The following SMYD3 variants were observed in gnomAD, a reference collection of about 807,000 sequenced individuals.
The protein encoded by SMYD3 is SET and MYND domain containing 3, also known as histone-lysine N-methyltransferase SMYD3.
SMYD3 carries 36 observed loss-of-function variants against 57.7 expected under a neutral mutation model. The observed-to-expected ratio is 0.62, with a 90% confidence interval of 0.48 to 0.82. SMYD3 has a LOEUF of 0.82. Ranked by LOEUF, SMYD3 falls within the 40% of genes least tolerant of loss-of-function variation. SMYD3 has a pLI of 0.00. For missense variants in SMYD3, 515 were observed against 538.8 expected (o/e 0.96, Z 0.44); for synonymous variants, 211 against 195.0 (o/e 1.08, Z -0.68).
At chr1:245,908,485 C>A (rs2054736034) in intron 8 of SMYD3, among the ~76,000 whole-genome samples, 1 of 152,130 alleles carries the variant, frequency 6.6e-6, no homozygotes, top group African/African-American at 2.4e-5. Context: ...ACAGAGGAAT[C>A]CAGCAGATGT....
chr1:245,757,186 C>T (rs2045642463), intron 11 of SMYD3, among the ~76,000 whole-genome samples: 3 of 152,034 alleles, frequency 2.0e-5, no homozygotes. Context: ...CTACTTCTGT[C>T]TCTAGGTATT....
intron 5 of SMYD3, among the ~76,000 whole-genome samples, chr1:246,233,304 T>C (rs1183738315): frequency 1.7e-5 from 2 of 116,440 alleles, no homozygotes; most frequent in African/African-American, 3.3e-5. Flanking sequence ...GCTCCTCAAT[T>C]CACACTGTGA....
At chr1:246,071,069 A>G (rs2060434004) in intron 5 of SMYD3, among the ~76,000 whole-genome samples, 1 of 152,236 alleles carries the variant, frequency 6.6e-6, no homozygotes, top group Admixed American at 6.5e-5. Flanking sequence ...AATAGGATAA[A>G]TTAATTCTAT....
At chr1:246,110,913 GTTTAGGA>G (rs1259206848) in intron 5 of SMYD3, among the ~76,000 whole-genome samples, 14 of 152,126 alleles carry the variant, frequency 9.2e-5, no homozygotes, top group Non-Finnish European at 1.6e-4. Flanking sequence ...CATGTTCATG[GTTTAGGA>G]TTTTAGATAT....
intron 10 of SMYD3, among the ~76,000 whole-genome samples, chr1:245,827,716 T>G (rs2049582529): frequency 6.6e-6 from 1 of 152,208 alleles, no homozygotes; most frequent in South Asian, 2.1e-4. Flanking sequence ...ATGAATGCTT[T>G]TTGACTGGCT....
intron 5 of SMYD3, among the ~76,000 whole-genome samples, chr1:246,139,307 A>G (rs992190749): frequency 2.0e-5 from 3 of 152,232 alleles, no homozygotes; most frequent in African/African-American, 7.2e-5. Context: ...GAGTATTTCA[A>G]TACATAGATT....
At chr1:246,333,981 C>T (rs977739672) in intron 3 of SMYD3, among the ~76,000 whole-genome samples, 3 of 151,956 alleles carry the variant, frequency 2.0e-5, no homozygotes, top group Non-Finnish European at 2.9e-5. Context: ...AAATGCTCTA[C>T]GTTACTAATC....
intron 5 of SMYD3, among the ~76,000 whole-genome samples, chr1:246,132,955 A>G (rs528807021): frequency 6.6e-6 from 1 of 152,232 alleles, no homozygotes; most frequent in Non-Finnish European, 1.5e-5. Flanking sequence ...ATTCACTAGG[A>G]TGGCTACTAT....
intron 1 of SMYD3, 142 bp downstream of exon 1, chr1:246,506,912 G>T: frequency 2.7e-6 from 2 of 744,850 alleles, no homozygotes; most frequent in Non-Finnish European, 3.8e-6. Flanking sequence ...CCGGGCACAC[G>T]CGCGTCAGGG....
At chr1:246,462,321 T>C (rs2067813924) in intron 1 of SMYD3, among the ~76,000 whole-genome samples, 1 of 151,482 alleles carries the variant, frequency 6.6e-6, no homozygotes, top group Non-Finnish European at 1.5e-5. Flanking sequence ...GTATAGTGAA[T>C]TCTCCCGTGG....
intron 5 of SMYD3, among the ~76,000 whole-genome samples, chr1:246,314,220 T>C (rs1285748176): frequency 2.0e-5 from 3 of 152,232 alleles, no homozygotes; most frequent in East Asian, 1.9e-4. Context: ...AGCAATACTT[T>C]AGTATTAGAG....
chr1:245,769,873 G>A (rs560345291), intron 10 of SMYD3, among the ~76,000 whole-genome samples: 4 of 152,248 alleles, frequency 2.6e-5, no homozygotes, highest in South Asian at 2.1e-4. Context: ...CCATGGTATC[G>A]CTGGGTTATA....
At position 245,976,977 on chromosome 1, in the gene SMYD3, G is replaced by A. The variant is rs112466772; in HGVS notation, c.532-47040C>T. Among the ~76,000 whole-genome samples, 91 of 9,916 alleles carry A rather than the reference G, an allele frequency of 9.2e-3. 1 individual carries two copies. The highest frequency in any genetic ancestry group is 0.013 in the African/African-American group (45 of 3,362). The allele number at this position is 9,916 out of a possible 152,430, so 6.5% of individuals were successfully genotyped here. On this transcript the variant is annotated intron_variant, in intron 5 of 11. Coordinates refer to ENST00000490107, the MANE Select transcript of SMYD3 (RefSeq NM_001167740.2). ...TAGCCTAGGGAAAGCCATCGTCTCCGGCCCAGGGAAAGCCATCGTCTCTAG... is the reference window on the plus strand; with the variant it reads ...TAGCCTAGGGAAAGCCATCGTCTCCAGCCCAGGGAAAGCCATCGTCTCTAG...
At chr1:245,811,986 T>C (rs2148291777) in intron 10 of SMYD3, among the ~76,000 whole-genome samples, 1 of 152,338 alleles carries the variant, frequency 6.6e-6, no homozygotes, top group African/African-American at 2.4e-5. Flanking sequence ...GCACAGAAGA[T>C]GGTCCTCTTT....
At chr1:246,385,862 C>T (rs561970963) in intron 1 of SMYD3, among the ~76,000 whole-genome samples, 8 of 152,190 alleles carry the variant, frequency 5.3e-5, no homozygotes, top group African/African-American at 1.4e-4. Context: ...CTCCTGTCCA[C>T]GGACCATACT....
chr1:246,039,535 G>C (rs1184107975), intron 5 of SMYD3, among the ~76,000 whole-genome samples: 1 of 152,172 alleles, frequency 6.6e-6, no homozygotes, highest in African/African-American at 2.4e-5. Context: ...CGAAATGTGG[G>C]ATTGCTGTAT....
intron 7 of SMYD3, among the ~76,000 whole-genome samples, chr1:245,926,562 A>G (rs1318504156): frequency 6.6e-6 from 1 of 152,200 alleles, no homozygotes; most frequent in Non-Finnish European, 1.5e-5. Flanking sequence ...AAAGAGAAAG[A>G]TGTGAAAAAG....
intron 5 of SMYD3, among the ~76,000 whole-genome samples, chr1:246,058,791 TA>T (rs2060199307): frequency 2.0e-5 from 3 of 152,106 alleles, no homozygotes; most frequent in African/African-American, 7.2e-5. Flanking sequence ...TTAAATAGTA[TA>T]GAAGGACTTT....
chr1:245,779,176 A>AT (rs55875943), intron 10 of SMYD3, among the ~76,000 whole-genome samples: 1 of 143,696 alleles, frequency 7.0e-6, no homozygotes. Flanking sequence ...AAAAAAAAAA[A>AT]AAAAAGAAAA....
Sources: gnomAD v4.1 joint callset for allele counts (sites outside exome capture counted in the v4.1 genomes callset) on GRCh38, gnomAD v4.1.1 for gene constraint, MANE v1.5 for transcripts, NCBI Gene and HGNC (gene_info 2026-07-23, HGNC 2026-07-21) for gene names.